UIMC1: variants seen among roughly 807,000 people sequenced by gnomAD.
UIMC1 encodes the protein BRCA1-A complex subunit RAP80.
Under a neutral mutation model 84.9 loss-of-function variants are expected in UIMC1, and 42 were observed. The ratio of observed to expected loss-of-function variants is 0.49; its 90% CI spans 0.39 to 0.64. UIMC1 has a LOEUF of 0.64. UIMC1 is among the 30% of genes least tolerant of loss of function. The pLI, the probability that UIMC1 is intolerant of heterozygous loss-of-function variation, is 0.00. For synonymous variants in UIMC1, 281 were observed against 293.0 expected, an observed-to-expected ratio of 0.96 and a Z score of 0.42; for missense variants, 825 against 847.6, an observed-to-expected ratio of 0.97 and a Z score of 0.33.
chr5:176,920,264 G>A (rs996115387), intron 10 of UIMC1, among the ~76,000 whole-genome samples: 1 of 152,050 alleles, frequency 6.6e-6, no homozygotes, highest in Non-Finnish European at 1.5e-5. Flanking sequence ...CTGACCTCAG[G>A]TGATCCGCCC....
At chr5:176,937,546 T>G (rs1322271619) in intron 10 of UIMC1, among the ~76,000 whole-genome samples, 1 of 152,058 alleles carries the variant, frequency 6.6e-6, no homozygotes, top group African/African-American at 2.4e-5. Flanking sequence ...TTTTCATAGT[T>G]CTGAATAGAC....
At chr5:176,922,345 G>C (rs775914884) in intron 10 of UIMC1, among the ~76,000 whole-genome samples, 4 of 152,214 alleles carry the variant, frequency 2.6e-5, no homozygotes, top group Non-Finnish European at 5.9e-5. Context: ...GTGATCTTCT[G>C]AATTACTCAG....
At chr5:176,949,672 G>A (rs555880736) in intron 9 of UIMC1, among the ~76,000 whole-genome samples, 18 of 152,318 alleles carry the variant, frequency 1.2e-4, no homozygotes, top group African/African-American at 3.6e-4. Flanking sequence ...AGAGAACCAG[G>A]CAGTGTGCAT....
At chr5:176,956,932 G>A (rs1766681566) in intron 7 of UIMC1, among the ~76,000 whole-genome samples, 1 of 152,098 alleles carries the variant, frequency 6.6e-6, no homozygotes, top group African/African-American at 2.4e-5. Flanking sequence ...TACTCTGCAT[G>A]TAACATTAGT....
intron 10 of UIMC1, among the ~76,000 whole-genome samples, chr5:176,918,618 C>T (rs762278312): frequency 1.1e-4 from 17 of 152,196 alleles, no homozygotes; most frequent in Non-Finnish European, 2.2e-4. Context: ...TTCACCATCA[C>T]CTATCTTTCC....
chr5:176,950,102 T>C (rs2149452547), intron 9 of UIMC1, among the ~76,000 whole-genome samples: 1 of 139,990 alleles, frequency 7.1e-6, no homozygotes, highest in South Asian at 2.4e-4. Context: ...GAACCTTTCT[T>C]TTTTTTTTTT....
chr5:176,927,499 C>T (rs1762524799), intron 10 of UIMC1, among the ~76,000 whole-genome samples: 1 of 152,054 alleles, frequency 6.6e-6, no homozygotes, highest in African/African-American at 2.4e-5. Context: ...AGTGATTCAC[C>T]CACCTCGACC....
intron 2 of UIMC1, among the ~76,000 whole-genome samples, chr5:176,976,024 C>T (rs1173765153): frequency 2.6e-5 from 4 of 152,148 alleles, no homozygotes; most frequent in Admixed American, 2.6e-4. Flanking sequence ...AAAGGCCAAG[C>T]ACAGTGGCTC....
In UIMC1 at chr5:176,908,711, A is replaced by G; in HGVS notation, c.1677-17T>C. ...TTCTCATTCCTATCCAATAAGAAAA[A>G]AGGAAGAAAACACAGTTTTAAGATG... On this transcript the variant is annotated splice_polypyrimidine_tract_variant and intron_variant, in intron 11 of 14. Coordinates refer to ENST00000511320, the MANE Select transcript of UIMC1 (RefSeq NM_001199298.2). 6.2e-7 allele frequency: 1 copy of G among 1,605,638 alleles called. No individual in the cohort carries two copies. The highest frequency in any genetic ancestry group is 8.5e-7 in the Non-Finnish European group (1 of 1,175,060).
chr5:176,991,072 A>G (rs1453665992), intron 1 of UIMC1, among the ~76,000 whole-genome samples: 2 of 151,932 alleles, frequency 1.3e-5, no homozygotes, highest in South Asian at 4.2e-4. Context: ...CAGTGGCACT[A>G]TCTCGGCTCA....
chr5:176,976,318 A>C (rs980097057), intron 2 of UIMC1, among the ~76,000 whole-genome samples: 4 of 152,236 alleles, frequency 2.6e-5, no homozygotes, highest in African/African-American at 9.6e-5. Context: ...CTCATCTCTA[A>C]AAATAAATAA....
At chr5:177,003,948 C>T (rs1422643240) in intron 1 of UIMC1, among the ~76,000 whole-genome samples, 1 of 152,136 alleles carries the variant, frequency 6.6e-6, no homozygotes, top group Non-Finnish European at 1.5e-5. Context: ...CCCACCAGAG[C>T]CTCCTGGGCA....
intron 1 of UIMC1, among the ~76,000 whole-genome samples, chr5:176,988,121 G>A (rs969525861): frequency 2.0e-5 from 2 of 99,270 alleles, no homozygotes; most frequent in South Asian, 3.1e-4. Flanking sequence ...GACAGACTAC[G>A]CCCCTGTCCA....
intron 1 of UIMC1, among the ~76,000 whole-genome samples, chr5:176,995,909 T>C (rs1773548192): frequency 6.6e-6 from 1 of 152,010 alleles, no homozygotes; most frequent in Non-Finnish European, 1.5e-5. Flanking sequence ...GTTTGGGAGT[T>C]TCTTAAAAAA....
chr5:177,003,525 C>T (rs573597767), intron 1 of UIMC1, among the ~76,000 whole-genome samples: 82 of 152,124 alleles, frequency 5.4e-4, no homozygotes, highest in African/African-American at 1.8e-3. Context: ...TGGTGGTGCG[C>T]GCCTGTGATC....
Position 176,975,455 on chromosome 5 carries a change from T to C in UIMC1, c.173A>G (p.Gln58Arg), listed in dbSNP as rs1174762730. 3.1e-6 allele frequency: 5 copies of C among 1,614,104 alleles called. No individual in the cohort carries two copies. The highest frequency in any genetic ancestry group is 1.7e-6 in the Non-Finnish European group (2 of 1,180,004). The change falls in exon 3 of 15, where the codon CAG becomes CGG. Residue 58 changes from glutamine (Q) to arginine (R), a missense_variant. By Grantham distance (43) the Gln-to-Arg change is conservative (BLOSUM62 1). Coordinates refer to ENST00000511320, the MANE Select transcript of UIMC1 (RefSeq NM_001199298.2). ...ATTCGACTGTTTTGTCTTCGTTTTC[T>C]GCAACCCATTTTCCTCCTTTGGTTC... ...GEEPKEENGL[Q>R]KTKTKQSNRA...
intron 3 of UIMC1, among the ~76,000 whole-genome samples, chr5:176,972,217 G>T (rs1037098484): frequency 4.0e-4 from 60 of 150,340 alleles, no homozygotes; most frequent in African/African-American, 1.4e-3. Flanking sequence ...TGGCTAACAC[G>T]GTGAAACCCC....
exon 1 of UIMC1, chr5:177,022,492 A>G: frequency 2.1e-6 from 1 of 485,444 alleles, no homozygotes; most frequent in Non-Finnish European, 3.6e-6. Context: ...CATGAGCCAA[A>G]ACCACACGAG....
intron 2 of UIMC1, 117 bp from the exon 3 acceptor site, chr5:176,975,597 T>C (rs1407363267): frequency 7.8e-6 from 7 of 895,798 alleles, no homozygotes; most frequent in Non-Finnish European, 1.2e-5. Context: ...TTGTTATAAA[T>C]ATGCACATAA....
Sources: gnomAD v4.1 joint callset for allele counts (sites outside exome capture counted in the v4.1 genomes callset) on GRCh38, gnomAD v4.1.1 for gene constraint, MANE v1.5 for transcripts, NCBI Gene and HGNC (gene_info 2026-07-23, HGNC 2026-07-21) for gene names.